Variants in KSR1 observed in about 807,000 individuals in gnomAD.
KSR1 encodes kinase suppressor of ras 1.
Under a neutral mutation model 92.9 loss-of-function variants are expected in KSR1, and 35 were observed. That is an observed-to-expected ratio of 0.38 (90% CI 0.29 to 0.50). KSR1 has a LOEUF of 0.50. Among genes scored for constraint, KSR1 ranks in the 20% least tolerant of loss-of-function variants. The probability of loss-of-function intolerance (pLI) is 0.94; values close to 1 mark genes in which losing one functional copy is unlikely to be tolerated. For missense variants in KSR1, 972 were observed against 1,158.5 expected, an observed-to-expected ratio of 0.84 and a Z score of 2.34; for synonymous variants, 467 against 472.6, an observed-to-expected ratio of 0.99 and a Z score of 0.15.
At chr17:27,540,124 G>A (rs1005099661) in intron 1 of KSR1, among the ~76,000 whole-genome samples, 1 of 152,336 alleles carries the variant, frequency 6.6e-6, no homozygotes, top group Non-Finnish European at 1.5e-5. Flanking sequence ...GCTTAGTACT[G>A]GAGCAGTGGG....
intron 1 of KSR1, among the ~76,000 whole-genome samples, chr17:27,484,739 G>A (rs2068614032): frequency 6.6e-6 from 1 of 152,224 alleles, no homozygotes; most frequent in Non-Finnish European, 1.5e-5. Flanking sequence ...CTTGGGGCTA[G>A]GGGTCAGGAT....
At chr17:27,479,765 C>A (rs1241996286) in intron 1 of KSR1, among the ~76,000 whole-genome samples, 2 of 152,116 alleles carry the variant, frequency 1.3e-5, no homozygotes, top group Non-Finnish European at 2.9e-5. Context: ...AGAATTACAT[C>A]CCTGGGTCCA....
At chr17:27,463,669 C>A (rs1266193716) in intron 1 of KSR1, among the ~76,000 whole-genome samples, 2 of 152,108 alleles carry the variant, frequency 1.3e-5, no homozygotes, top group East Asian at 3.9e-4. Context: ...AGGCCTTTTC[C>A]TTGCTCCAAG....
intron 2 of KSR1, among the ~76,000 whole-genome samples, chr17:27,558,701 T>C (rs2151108212): frequency 9.5e-6 from 1 of 105,032 alleles, no homozygotes; most frequent in Non-Finnish European, 2.1e-5. Context: ...TTTCTGTTTT[T>C]TGTTTTTTTT....
rs1181125731 is a variant in KSR1, at chr17:27,576,007, C to A, written c.373-1485C>A. Among the ~76,000 whole-genome samples the A allele has an allele frequency of 3.3e-5, 5 of 152,216 alleles. No homozygotes were observed. In the East Asian group the frequency reaches 9.6e-4, roughly 29 times the overall value. On this transcript the variant is annotated intron_variant, in intron 2 of 20. Transcript: ENST00000644974. ...CGTTCATTCAGGTTATTGGCAGAAT[C>A]CATTTCCTTGTGGCTGGAGGTCTGA...
At chr17:27,518,685 G>A (rs1470962074) in intron 1 of KSR1, among the ~76,000 whole-genome samples, 1 of 152,240 alleles carries the variant, frequency 6.6e-6, no homozygotes, top group Non-Finnish European at 1.5e-5. Context: ...GTAGGAGCAA[G>A]CACTGTGTTG....
At position 27,588,525 on chromosome 17, in the gene KSR1, G is replaced by A. The variant is rs780641146; in HGVS notation, c.1036G>A (p.Val346Met). 1.6e-5 allele frequency: 26 copies of A among 1,592,660 alleles called. No homozygotes were observed. The highest frequency in any genetic ancestry group is 2.3e-5 in the East Asian group (1 of 44,050). Residue 346 changes from valine to methionine, a missense_variant, in exon 6 of 21, where the codon GTG becomes ATG. Val to Met is a conservative substitution (Grantham distance 21, BLOSUM62 1). Transcript: ENST00000644974. ...QMVRRDIGLS[V>M]THRFSTKSWL... ...GGTACGGAGGGATATCGGGCTGTCG[G>A]TGACGCACAGGTAGGCACAGCGGGC...
intron 2 of KSR1, among the ~76,000 whole-genome samples, chr17:27,564,598 A>G (rs1024223441): frequency 6.6e-6 from 1 of 152,132 alleles, no homozygotes; most frequent in Non-Finnish European, 1.5e-5. Flanking sequence ...ACTACCTTCT[A>G]CTGTAGTCAT....
chr17:27,501,476 C>A (rs1202325530), intron 1 of KSR1, among the ~76,000 whole-genome samples: 1 of 151,812 alleles, frequency 6.6e-6, no homozygotes, highest in South Asian at 2.1e-4. Context: ...ATTGCAGAGA[C>A]CTTCGTGGCA....
rs996366216 is a variant in KSR1, at chr17:27,577,567, T to C, written c.448T>C (p.Cys150Arg). 7 of 1,605,532 alleles carry C rather than the reference T, an allele frequency of 4.4e-6. No homozygotes were observed. The African/African-American group carries it at 9.4e-5, about 21-fold the overall frequency. ...EAKVKETLRRCGASGDECGRL... is the reference protein window; with the variant it reads ...EAKVKETLRRRGASGDECGRL... Reference sequence around the variant, plus strand: ...CAAGGTGAAGGAGACGCTGCGGCGCTGTGGGGCCAGCGGGGATGAGTGTGG... The same window carrying C: ...CAAGGTGAAGGAGACGCTGCGGCGCCGTGGGGCCAGCGGGGATGAGTGTGG... Residue 150 changes from cysteine to arginine, a missense_variant, in exon 3 of 21, where the codon TGT becomes CGT. Physicochemically the swap from Cys to Arg is radical, Grantham distance 180. Coordinates refer to ENST00000644974, the MANE Select transcript of KSR1 (RefSeq NM_001394583.1). This position sits in a 1 kb window ranked among gnomAD's most constrained non-coding sequence, Gnocchi z 4.5.
chr17:27,588,636 C>G (rs1341944629), intron 6 of KSR1, 101 bp downstream of exon 6: 1 of 1,055,914 alleles, frequency 9.5e-7, no homozygotes, highest in Non-Finnish European at 1.3e-6. Flanking sequence ...CTCTTTGCCT[C>G]TGACGGGCCT....
At chr17:27,599,631 A>C (rs1446528625) in intron 10 of KSR1, among the ~76,000 whole-genome samples, 2 of 152,198 alleles carry the variant, frequency 1.3e-5, no homozygotes, top group African/African-American at 2.4e-5. Flanking sequence ...CCTGTACACT[A>C]TTGTAGACTT....
chr17:27,529,514 C>T (rs527954698), intron 1 of KSR1, among the ~76,000 whole-genome samples: 1 of 152,316 alleles, frequency 6.6e-6, no homozygotes, highest in Admixed American at 6.5e-5. Flanking sequence ...TCCAGGGGGG[C>T]GATGCCGCTC....
At chr17:27,488,980 A>T (rs116539452) in intron 1 of KSR1, among the ~76,000 whole-genome samples, 8,533 of 152,168 alleles carry the variant, frequency 0.056, 654 homozygotes, top group African/African-American at 0.18. Flanking sequence ...ATTTTTTTTT[A>T]AAAAATGTCG....
chr17:27,489,349 C>G (rs1487945418), intron 1 of KSR1, among the ~76,000 whole-genome samples: 1 of 152,160 alleles, frequency 6.6e-6, no homozygotes, highest in Non-Finnish European at 1.5e-5. Context: ...TCTGGGTCTG[C>G]CCTTCTGCTT....
At chr17:27,606,017 T>C (rs2073740561) in intron 14 of KSR1, among the ~76,000 whole-genome samples, 1 of 152,230 alleles carries the variant, frequency 6.6e-6, no homozygotes. Flanking sequence ...CAGTGGCCCA[T>C]GTCTGTAATC....
At chr17:27,566,368 C>T (rs2072068733) in intron 2 of KSR1, 2 of 398,556 alleles carry the variant, frequency 5.0e-6, no homozygotes, top group South Asian at 1.3e-4. Context: ...GTCATGAAAA[C>T]AGAAACCCCT....
At chr17:27,558,983 G>A (rs1312092007) in intron 2 of KSR1, among the ~76,000 whole-genome samples, 1 of 152,184 alleles carries the variant, frequency 6.6e-6, no homozygotes, top group Non-Finnish European at 1.5e-5. Flanking sequence ...TGTGTGTGCA[G>A]CCGTCTGTGT....
At chr17:27,504,354 C>G (rs1009419074) in intron 1 of KSR1, among the ~76,000 whole-genome samples, 3 of 152,210 alleles carry the variant, frequency 2.0e-5, no homozygotes, top group African/African-American at 2.4e-5. Flanking sequence ...CAAAGTCTGT[C>G]TTTACCTTCC....
Sources: allele counts gnomAD v4.1 joint callset (sites outside exome capture counted in the v4.1 genomes callset), GRCh38; gene constraint gnomAD v4.1.1; non-coding constraint Gnocchi (gnomAD v3.1); transcripts MANE v1.5; gene names NCBI Gene and HGNC (gene_info 2026-07-23, HGNC 2026-07-21).